Variants in PRDM16 observed in about 807,000 individuals in gnomAD.
PRDM16 encodes the protein PR/SET domain 16, also known as histone-lysine N-methyltransferase PRDM16.
In PRDM16, 23 loss-of-function variants were observed where a neutral mutation model predicts 110.6. The observed-to-expected ratio is 0.21, with a 90% confidence interval of 0.15 to 0.29. PRDM16 has a LOEUF of 0.29. Among genes scored for constraint, PRDM16 ranks in the 10% least tolerant of loss-of-function variants. The pLI, the probability that PRDM16 is intolerant of heterozygous loss-of-function variation, is 1.00. For synonymous variants in PRDM16, 799 were observed against 781.8 expected, an observed-to-expected ratio of 1.02 and a Z score of -0.37; for missense variants, 1,615 against 1,794.3, an observed-to-expected ratio of 0.90 and a Z score of 1.81.
At chr1:3,329,926 T>G (rs931228116) in intron 3 of PRDM16, among the ~76,000 whole-genome samples, 8 of 152,286 alleles carry the variant, frequency 5.3e-5, no homozygotes, top group Admixed American at 5.2e-4. Context: ...TGGGAAGAAG[T>G]GCACCCAGGA....
At position 3,434,987 on chromosome 1, in the gene PRDM16, G is replaced by C; in HGVS notation, c.*1176G>C. ...CCTGTGCCTGAGACTCCGGATGGAC[G>C]ACACAGTCGTCACGTCGCTCTTCCT... On this transcript the variant is annotated 3_prime_UTR_variant, in exon 17 of 17. Transcript: ENST00000270722. The C allele has an allele frequency of 4.4e-6, 1 of 228,290 alleles. No homozygotes were observed. Among genetic ancestry groups the C allele is most frequent in the Non-Finnish European group, 8.7e-6 (1 of 114,938 alleles). The allele number at this position is 228,290 out of a possible 1,614,324, so 14.1% of individuals were successfully genotyped here. A position where few individuals can be genotyped will look rare whatever the true frequency, so the allele number is the denominator to read the frequency against.
intron 1 of PRDM16, among the ~76,000 whole-genome samples, chr1:3,086,319 C>T (rs967476102): frequency 2.0e-5 from 3 of 152,166 alleles, no homozygotes; most frequent in Middle Eastern, 3.2e-3. Flanking sequence ...AGAGTCCTCT[C>T]GGCCTGCAGT....
rs980403698 is a variant in PRDM16, at chr1:3,390,723, G to A, written c.573+5437G>A. Among the ~76,000 whole-genome samples the A allele has an allele frequency of 2.0e-5, 3 of 152,158 alleles. No homozygotes were observed. In the East Asian group the frequency reaches 5.8e-4, roughly 29 times the overall value. On this transcript the variant is annotated intron_variant, in intron 4 of 16. Coordinates refer to ENST00000270722, the MANE Select transcript of PRDM16 (RefSeq NM_022114.4). The surrounding 1 kb of genome is among the most constrained non-coding windows in gnomAD (Gnocchi z 5.0). ...GGGTCCCGCGTTTCTGTCTGGGCGT[G>A]TGCCCTGTCAGGGTTGCGGTTTTAA...
intron 14 of PRDM16, 31 bp from the exon 15 acceptor site, chr1:3,430,841 A>T: frequency 6.2e-7 from 1 of 1,609,680 alleles, no homozygotes; most frequent in Non-Finnish European, 8.5e-7. Flanking sequence ...AGACACCCAA[A>T]CTCAGTCAAT....
At chr1:3,139,753 C>G (rs1643510321) in intron 1 of PRDM16, among the ~76,000 whole-genome samples, 1 of 152,214 alleles carries the variant, frequency 6.6e-6, no homozygotes, top group Non-Finnish European at 1.5e-5. Context: ...TGACCCTGGT[C>G]CTGTTAGCAG....
intron 3 of PRDM16, among the ~76,000 whole-genome samples, chr1:3,251,424 C>T (rs932367260): frequency 1.3e-4 from 20 of 152,160 alleles, no homozygotes; most frequent in African/African-American, 4.8e-4. Flanking sequence ...AACCCACGTC[C>T]AGGGCTTGGC....
In PRDM16 at chr1:3,224,497, C is replaced by T. The variant is rs554070270; in HGVS notation, c.388-19590C>T. On this transcript the variant is annotated intron_variant, in intron 2 of 16. Coordinates refer to ENST00000270722, the MANE Select transcript of PRDM16 (RefSeq NM_022114.4). Reference sequence around the variant, plus strand: ...CCCAGGGCCACTCTCTCTCCCTCTCCCCTTCTGCACGCACCCACAGCCACT... The same window carrying T: ...CCCAGGGCCACTCTCTCTCCCTCTCTCCTTCTGCACGCACCCACAGCCACT... Among the ~76,000 whole-genome samples the T allele has an allele frequency of 5.9e-5, 9 of 152,228 alleles. No individual in the cohort carries two copies. The South Asian group carries it at 1.9e-3, about 32-fold the overall frequency.
intron 3 of PRDM16, among the ~76,000 whole-genome samples, chr1:3,379,229 AAC>A (rs1168252165): frequency 2.6e-5 from 2 of 75,890 alleles, no homozygotes; most frequent in Non-Finnish European, 5.2e-5. Flanking sequence ...CACCCCTCCC[AAC>A]ACACTCATCC....
chr1:3,116,031 G>A (rs1416061652), intron 1 of PRDM16, among the ~76,000 whole-genome samples: 2 of 152,178 alleles, frequency 1.3e-5, no homozygotes, highest in Non-Finnish European at 1.5e-5. Flanking sequence ...GGCGGGGCTC[G>A]ATGGCAGGTG....
In PRDM16 at chr1:3,358,006, C is replaced by G. The variant is rs1024192752; in HGVS notation, c.439-27146C>G. ...CTCGTGAGCCTTGCTGTGCCCTTCA[C>G]TGACATGCTCGCCCATGAGCTGAGT... On this transcript the variant is annotated intron_variant, in intron 3 of 16. Transcript: ENST00000270722. This position sits in a 1 kb window ranked among gnomAD's most constrained non-coding sequence, Gnocchi z 4.0. 6.6e-6 allele frequency among the ~76,000 whole-genome samples: 1 copy of G among 152,252 alleles called. No individual in the cohort carries two copies. Among genetic ancestry groups the G allele is most frequent in the African/African-American group, 2.4e-5 (1 of 41,462 alleles).
intron 3 of PRDM16, among the ~76,000 whole-genome samples, chr1:3,374,079 G>C (rs1642952984): frequency 6.6e-6 from 1 of 152,240 alleles, no homozygotes; most frequent in Non-Finnish European, 1.5e-5. Flanking sequence ...AGGGAGTGTG[G>C]TATATCGGCC....
chr1:3,349,347 C>G (rs1243051204), intron 3 of PRDM16, among the ~76,000 whole-genome samples: 2 of 152,200 alleles, frequency 1.3e-5, no homozygotes, highest in African/African-American at 4.8e-5. Context: ...TGGAAAGGTG[C>G]TGACGTGGCA....
chr1:3,280,863 C>T (rs746348544), intron 3 of PRDM16, among the ~76,000 whole-genome samples: 1 of 152,200 alleles, frequency 6.6e-6, no homozygotes, highest in Non-Finnish European at 1.5e-5. Flanking sequence ...GCCCCTGGGG[C>T]AGGGGCAGGG....
intron 1 of PRDM16, among the ~76,000 whole-genome samples, chr1:3,099,091 A>G (rs1440880587): frequency 6.6e-6 from 1 of 152,202 alleles, no homozygotes; most frequent in African/African-American, 2.4e-5. Context: ...CTGAGAAGCA[A>G]GCTCCTCTGG....
intron 2 of PRDM16, among the ~76,000 whole-genome samples, chr1:3,194,969 C>T (rs1021165416): frequency 2.6e-5 from 4 of 152,192 alleles, no homozygotes; most frequent in African/African-American, 7.2e-5. Flanking sequence ...GAAGCTTTGC[C>T]GCGCTTCCCC....
chr1:3,323,883 G>A (rs181126601), intron 3 of PRDM16, among the ~76,000 whole-genome samples: 10 of 152,252 alleles, frequency 6.6e-5, no homozygotes, highest in South Asian at 4.1e-4. Context: ...GGGCTCCCCC[G>A]GCTCTGCACG....
chr1:3,283,973 A>G (rs1640791782), intron 3 of PRDM16, among the ~76,000 whole-genome samples: 1 of 152,196 alleles, frequency 6.6e-6, no homozygotes, highest in Non-Finnish European at 1.5e-5. Context: ...GGCACATCGC[A>G]GGGTTGGAAG....
chr1:3,303,800 TG>T (rs1641256053), intron 3 of PRDM16, among the ~76,000 whole-genome samples: 1 of 147,384 alleles, frequency 6.8e-6, no homozygotes, highest in Non-Finnish European at 1.5e-5. Flanking sequence ...AGGGATGTGC[TG>T]GGGAGCGCAG....
In PRDM16 at chr1:3,143,638, G is replaced by A. The variant is rs954559511; in HGVS notation, c.38-42487G>A. Among the ~76,000 whole-genome samples the A allele has an allele frequency of 3.9e-5, 6 of 152,128 alleles. No individual in the cohort carries two copies. The highest frequency in any genetic ancestry group is 4.2e-4 in the South Asian group (2 of 4,802). Reference sequence around the variant, plus strand: ...ATTACAGGTGTGCACCACCACGCCCGGCTAATTTTTGTATTTTTAGTAGAG... The same window carrying A: ...ATTACAGGTGTGCACCACCACGCCCAGCTAATTTTTGTATTTTTAGTAGAG... On this transcript the variant is annotated intron_variant, in intron 1 of 16. Coordinates refer to ENST00000270722, the MANE Select transcript of PRDM16 (RefSeq NM_022114.4). The surrounding 1 kb of genome is among the most constrained non-coding windows in gnomAD (Gnocchi z 4.5).
Sources: allele counts gnomAD v4.1 joint callset (sites outside exome capture counted in the v4.1 genomes callset), GRCh38; gene constraint gnomAD v4.1.1; non-coding constraint Gnocchi (gnomAD v3.1); transcripts MANE v1.5; gene names NCBI Gene and HGNC (gene_info 2026-07-23, HGNC 2026-07-21).